The following MIER2 variants were observed in gnomAD, a reference collection of about 807,000 sequenced individuals.
The protein encoded by MIER2 is mesoderm induction early response protein 2.
A neutral mutation model predicts 67.6 loss-of-function variants in MIER2; 30 were observed. That is an observed-to-expected ratio of 0.44 (90% CI 0.33 to 0.60). The LOEUF (loss-of-function observed/expected upper bound fraction) is 0.60. Ranked by LOEUF, MIER2 falls within the 20% of genes least tolerant of loss-of-function variation. The pLI is 0.02. For synonymous variants in MIER2, 372 were observed against 312.6 expected (o/e 1.19, Z -2.00); for missense variants, 702 against 745.1 (o/e 0.94, Z 0.67).
intron 4 of MIER2, 126 bp downstream of exon 4, chr19:327,738 G>C: frequency 6.9e-7 from 1 of 1,442,646 alleles, no homozygotes; most frequent in Non-Finnish European, 9.3e-7. Flanking sequence ...AGTGGTCACA[G>C]GTACATTCTA....
In MIER2 at chr19:308,558, G is replaced by A; in HGVS notation, c.1198+19C>T. ...ACCCGTGGCCGCCCCCAGGGCAGGA[G>A]ATACTCCCCAAGCCTCACCTGTGCG... On this transcript the variant is annotated intron_variant, in intron 12 of 13. Transcript: ENST00000264819. The surrounding 1 kb of genome is among the most constrained non-coding windows in gnomAD (Gnocchi z 9.1). 1.3e-6 allele frequency: 2 copies of A among 1,580,808 alleles called. No individual in the cohort carries two copies. Among genetic ancestry groups the A allele is most frequent in the Admixed American group, 1.8e-5 (1 of 54,962 alleles).
chr19:334,346 C>T, intron 3 of MIER2, 54 bp downstream of exon 3: 1 of 1,607,088 alleles, frequency 6.2e-7, no homozygotes, highest in Non-Finnish European at 8.5e-7. Flanking sequence ...ACTCATGAGG[C>T]TTACCCCGGA....
At chr19:314,361 C>T (rs1249827094) in intron 7 of MIER2, among the ~76,000 whole-genome samples, 3 of 152,154 alleles carry the variant, frequency 2.0e-5, no homozygotes, top group African/African-American at 4.8e-5. Flanking sequence ...TGGTGAGGGA[C>T]GTGACTGGGG....
rs187085155 is a variant in MIER2, at chr19:313,779, C to T, written c.656-136G>A. 1.8e-3 allele frequency: 2,257 copies of T among 1,256,214 alleles called. 6 individuals carry two copies. Among genetic ancestry groups the T allele is most frequent in the Non-Finnish European group, 1.2e-3 (1,144 of 920,360 alleles). 77.8% of individuals were successfully genotyped at this position (1,256,214 alleles called of 1,614,324 possible). ...GTCCTCCCTTTCCCAAGCCCTGGGC[C>T]GCCATCCCTGTGCTCCTCCTGGGCT... On this transcript the variant is annotated intron_variant, in intron 7 of 13. Coordinates refer to ENST00000264819, the MANE Select transcript of MIER2 (RefSeq NM_017550.3).
chr19:343,237 G>T (rs1378749293), intron 1 of MIER2, among the ~76,000 whole-genome samples: 1 of 152,216 alleles, frequency 6.6e-6, no homozygotes, highest in Non-Finnish European at 1.5e-5. Flanking sequence ...AGCTCTGGGG[G>T]AGGCTGGCTT....
intron 7 of MIER2, among the ~76,000 whole-genome samples, chr19:325,197 C>T (rs1306760341): frequency 3.3e-5 from 5 of 152,224 alleles, no homozygotes; most frequent in Non-Finnish European, 7.3e-5. Context: ...GGGAAAGAGA[C>T]GAAGGTCAAG....
chr19:331,856 C>T (rs1438837177), intron 3 of MIER2, among the ~76,000 whole-genome samples: 1 of 151,940 alleles, frequency 6.6e-6, no homozygotes, highest in Admixed American at 6.6e-5. Context: ...TGGCATGCAC[C>T]TGTGGTCCCA....
At chr19:334,777 TGA>T (rs1174943380) in intron 2 of MIER2, among the ~76,000 whole-genome samples, 5 of 152,172 alleles carry the variant, frequency 3.3e-5, no homozygotes, top group Non-Finnish European at 7.3e-5. Flanking sequence ...TGTCTCTTTC[TGA>T]GAGACTGCTT....
Position 308,527 on chromosome 19 carries a change from C to A in MIER2, c.1198+50G>T, listed in dbSNP as rs1429515062. 1 of 1,528,546 alleles carries A rather than the reference C, an allele frequency of 6.5e-7. No homozygotes were observed. Among genetic ancestry groups the A allele is most frequent in the Non-Finnish European group, 8.8e-7 (1 of 1,131,442 alleles). 94.7% of individuals were successfully genotyped at this position (1,528,546 alleles called of 1,614,324 possible). On this transcript the variant is annotated intron_variant, in intron 12 of 13. Coordinates refer to ENST00000264819, the MANE Select transcript of MIER2 (RefSeq NM_017550.3). The surrounding 1 kb of genome is among the most constrained non-coding windows in gnomAD (Gnocchi z 9.1). ...AGGCTCCACCGGGCCTCACTCACGGCTCCAGACCCGTGGCCGCCCCCAGGG... is the reference window on the plus strand; with the variant it reads ...AGGCTCCACCGGGCCTCACTCACGGATCCAGACCCGTGGCCGCCCCCAGGG...
chr19:344,495 T>G, intron 1 of MIER2: 2 of 481,404 alleles, frequency 4.2e-6, no homozygotes, highest in Non-Finnish European at 5.3e-6. Context: ...GTCCCTCCCC[T>G]CCCCCACCCC....
chr19:313,658 G>A lies in MIER2; in HGVS notation c.656-15C>T, dbSNP rs1971117608. Reference sequence around the variant, plus strand: ...GTTCTCGTAGACTGCACAAGCAGAGGGCAAAGGTCAGCTTGCAGGAACCCA... The same window carrying A: ...GTTCTCGTAGACTGCACAAGCAGAGAGCAAAGGTCAGCTTGCAGGAACCCA... On this transcript the variant is annotated splice_polypyrimidine_tract_variant and intron_variant, in intron 7 of 13. Transcript: ENST00000264819. 2 of 1,606,294 alleles carry A rather than the reference G, an allele frequency of 1.2e-6. No individual in the cohort carries two copies. The highest frequency in any genetic ancestry group is 1.7e-6 in the Non-Finnish European group (2 of 1,178,870).
chr19:310,924 G>C (rs1251521130), intron 10 of MIER2, among the ~76,000 whole-genome samples: 1 of 152,200 alleles, frequency 6.6e-6, no homozygotes, highest in Non-Finnish European at 1.5e-5. Context: ...CCACACTCCA[G>C]CCACACCTCG....
In MIER2 at chr19:306,501, A is replaced by G. The variant is rs901742397; in HGVS notation, c.*189T>C. 2.6e-6 allele frequency: 2 copies of G among 782,662 alleles called. No individual in the cohort carries two copies. The highest frequency in any genetic ancestry group is 4.1e-6 in the Non-Finnish European group (2 of 491,104). 48.5% of individuals were successfully genotyped at this position (782,662 alleles called of 1,614,324 possible). ...CGGCGCTGGGTGGGGCCGTGGGTCC[A>G]TTCTGTGTGGACAGGGGCAAGGGCT... On this transcript the variant is annotated 3_prime_UTR_variant, in exon 14 of 14. Coordinates refer to ENST00000264819, the MANE Select transcript of MIER2 (RefSeq NM_017550.3).
intron 7 of MIER2, 112 bp downstream of exon 7, chr19:325,523 A>C (rs1600148179): frequency 5.8e-6 from 7 of 1,216,744 alleles, no homozygotes; most frequent in African/African-American, 1.5e-5. Flanking sequence ...CAGCTGCCCC[A>C]GTGAGCGATG....
chr19:336,520 A>G (rs1000992860), intron 1 of MIER2, among the ~76,000 whole-genome samples: 2 of 152,224 alleles, frequency 1.3e-5, no homozygotes, highest in Non-Finnish European at 2.9e-5. Flanking sequence ...GAGGGAAGCC[A>G]GACACCAACG....
rs748747870 is a variant in MIER2, at chr19:336,099, G to A, written c.84C>T (p.Gly28=). The change falls in exon 2 of 14, where the codon GGC becomes GGT. Residue 28 remains glycine, a synonymous_variant. Coordinates refer to ENST00000264819, the MANE Select transcript of MIER2 (RefSeq NM_017550.3). ...LEHSLCPGEP[G]LQTTAVVSMG... is the part of the protein sequence containing the mutation. The stretch of plus-strand genomic sequence containing the variant: ...GGAAGGTACCTGCTGTTGTCTGCAA[G>A]CCCGGCTCCCCTGGGCACAGGCTGT... 28 of 1,613,704 alleles carry A rather than the reference G, an allele frequency of 1.7e-5. No homozygotes were observed. The highest frequency in any genetic ancestry group is 1.6e-4 in the Middle Eastern group (1 of 6,076).
intron 7 of MIER2, among the ~76,000 whole-genome samples, chr19:322,546 A>G (rs1971544945): frequency 6.6e-6 from 1 of 152,274 alleles, no homozygotes; most frequent in East Asian, 1.9e-4. Context: ...GGAGCACGCA[A>G]AGAGAGAATA....
Position 305,801 on chromosome 19 carries a change from G to A in MIER2, c.*889C>T, listed in dbSNP as rs1970623729. The stretch of plus-strand genomic sequence containing the variant: ...AAACGAACGAGAGGGCCAGGGAGGA[G>A]GGGGACCAGGACTCCAAGCCATCTT... On this transcript the variant is annotated 3_prime_UTR_variant, in exon 14 of 14. Coordinates refer to ENST00000264819, the MANE Select transcript of MIER2 (RefSeq NM_017550.3). 1 of 152,656 alleles carries A rather than the reference G, an allele frequency of 6.6e-6. No individual in the cohort carries two copies. Among genetic ancestry groups the A allele is most frequent in the South Asian group, 2.1e-4 (1 of 4,836 alleles). The allele number at this position is 152,656 out of a possible 1,614,324, so 9.5% of individuals were successfully genotyped here. A position where few individuals can be genotyped will look rare whatever the true frequency, so the allele number is the denominator to read the frequency against.
At chr19:314,206 C>T (rs569657656) in intron 7 of MIER2, among the ~76,000 whole-genome samples, 8 of 152,338 alleles carry the variant, frequency 5.3e-5, no homozygotes, top group African/African-American at 7.2e-5. Context: ...TGAAGAGCCA[C>T]GGCCAGAAGG....
Sources: gnomAD v4.1 joint callset for allele counts (sites outside exome capture counted in the v4.1 genomes callset) on GRCh38, gnomAD v4.1.1 for gene constraint, Gnocchi (gnomAD v3.1) non-coding constraint, MANE v1.5 for transcripts, NCBI Gene and HGNC (gene_info 2026-07-23, HGNC 2026-07-21) for gene names.